GUCY1A2: variants seen among roughly 807,000 people sequenced by gnomAD.
GUCY1A2 encodes guanylate cyclase 1 soluble subunit alpha 2, also known as guanylate cyclase soluble subunit alpha-2.
Under a neutral mutation model 63.5 loss-of-function variants are expected in GUCY1A2, and 27 were observed. That is an observed-to-expected ratio of 0.43 (90% CI 0.31 to 0.59). The LOEUF is 0.59. Ranked by LOEUF, GUCY1A2 falls within the 20% of genes least tolerant of loss-of-function variation. GUCY1A2 has a pLI of 0.11. For synonymous variants in GUCY1A2, 364 were observed against 343.5 expected (o/e 1.06, Z -0.66); for missense variants, 768 against 913.3 (o/e 0.84, Z 2.05).
intron 3 of GUCY1A2, among the ~76,000 whole-genome samples, chr11:106,954,265 T>C (rs1012684045): frequency 1.3e-5 from 2 of 152,190 alleles, no homozygotes; most frequent in Non-Finnish European, 2.9e-5. Flanking sequence ...AATTTCATTA[T>C]TTACCCGGGA....
intron 5 of GUCY1A2, among the ~76,000 whole-genome samples, chr11:106,798,009 T>C (rs1020398149): frequency 5.9e-5 from 9 of 151,940 alleles, no homozygotes; most frequent in African/African-American, 2.2e-4. Context: ...ACAAAATTGA[T>C]AGACCACACA....
intron 4 of GUCY1A2, among the ~76,000 whole-genome samples, chr11:106,882,329 T>C (rs180895814): frequency 8.5e-5 from 13 of 152,092 alleles, no homozygotes; most frequent in Non-Finnish European, 1.6e-4. Context: ...TTATGCAAAA[T>C]GGAATTTTAC....
At chr11:106,712,962 G>A (rs1037711753) in intron 6 of GUCY1A2, among the ~76,000 whole-genome samples, 3 of 152,162 alleles carry the variant, frequency 2.0e-5, no homozygotes, top group Non-Finnish European at 4.4e-5. Flanking sequence ...CTTGGAAGAT[G>A]TCAGAGGGTC....
intron 1 of GUCY1A2, among the ~76,000 whole-genome samples, chr11:106,987,926 C>T (rs145649364): frequency 6.6e-6 from 1 of 152,300 alleles, no homozygotes; most frequent in East Asian, 1.9e-4. Context: ...ACCTACTGCA[C>T]ATTAGCCAAA....
At chr11:106,765,330 G>C (rs183292727) in intron 6 of GUCY1A2, among the ~76,000 whole-genome samples, 75 of 152,106 alleles carry the variant, frequency 4.9e-4, no homozygotes, top group Middle Eastern at 3.4e-3. Context: ...ATTCCTAAAA[G>C]CCTAACCCAA....
At chr11:106,988,928 G>T (rs1861436488) in intron 1 of GUCY1A2, among the ~76,000 whole-genome samples, 1 of 152,186 alleles carries the variant, frequency 6.6e-6, no homozygotes, top group Non-Finnish European at 1.5e-5. Flanking sequence ...TGAGTAAAAA[G>T]CATGAAGTGA....
chr11:106,929,624 G>T (rs923807961), intron 4 of GUCY1A2, among the ~76,000 whole-genome samples: 11 of 151,974 alleles, frequency 7.2e-5, no homozygotes, highest in Non-Finnish European at 1.2e-4. Flanking sequence ...TTTAAAGTTT[G>T]GGTTCCCTTT....
At chr11:106,988,270 G>A in intron 1 of GUCY1A2, among the ~76,000 whole-genome samples, 1 of 152,192 alleles carries the variant, frequency 6.6e-6, no homozygotes, top group South Asian at 2.1e-4. Context: ...AGTACCCCTT[G>A]GATCTGGGCC....
chr11:106,691,923 A>G (rs1862632114), intron 7 of GUCY1A2, among the ~76,000 whole-genome samples: 1 of 152,210 alleles, frequency 6.6e-6, no homozygotes, highest in South Asian at 2.1e-4. Context: ...GACTTCCAAT[A>G]GGACAATCTG....
At chr11:106,997,027 G>C (rs1027975505) in intron 1 of GUCY1A2, among the ~76,000 whole-genome samples, 2 of 152,120 alleles carry the variant, frequency 1.3e-5, no homozygotes, top group African/African-American at 4.8e-5. Context: ...CATGCAGGCA[G>C]AAGATTAATA....
At chr11:106,989,705 T>C (rs1396132518) in intron 1 of GUCY1A2, among the ~76,000 whole-genome samples, 3 of 152,142 alleles carry the variant, frequency 2.0e-5, no homozygotes, top group East Asian at 3.9e-4. Context: ...TTGACACCAA[T>C]TCCAGTGAAC....
intron 6 of GUCY1A2, among the ~76,000 whole-genome samples, chr11:106,717,351 G>A (rs1486487987): frequency 6.6e-6 from 1 of 152,158 alleles, no homozygotes; most frequent in Non-Finnish European, 1.5e-5. Context: ...AAAGATCTAA[G>A]TTCCTTTCCC....
At chr11:106,874,667 G>GA (rs1375034807) in intron 4 of GUCY1A2, among the ~76,000 whole-genome samples, 19 of 151,526 alleles carry the variant, frequency 1.3e-4, no homozygotes, top group African/African-American at 4.6e-4. Context: ...CAGCAAACCA[G>GA]AAAAAAGAAA....
chr11:106,891,415 CT>C (rs1405558848), intron 4 of GUCY1A2, among the ~76,000 whole-genome samples: 2 of 151,924 alleles, frequency 1.3e-5, no homozygotes, highest in Non-Finnish European at 2.9e-5. Flanking sequence ...CACTTTCTGC[CT>C]TTTGATGAAG....
chr11:106,976,209 A>G (rs1305370789), intron 3 of GUCY1A2, among the ~76,000 whole-genome samples: 1 of 152,152 alleles, frequency 6.6e-6, no homozygotes, highest in Non-Finnish European at 1.5e-5. Context: ...CCCAAAGGTG[A>G]TAAATATAAA....
chr11:106,867,767 T>C (rs190752343), intron 4 of GUCY1A2, among the ~76,000 whole-genome samples: 22 of 152,168 alleles, frequency 1.4e-4, no homozygotes, highest in South Asian at 2.1e-4. Flanking sequence ...TCGTTGATTT[T>C]ATATCAAAGA....
Position 106,677,433 on chromosome 11 carries a change from T to C in GUCY1A2, c.*10116A>G, listed in dbSNP as rs1446529821. 9.6e-6 allele frequency: 2 copies of C among 207,796 alleles called. No individual in the cohort carries two copies. The highest frequency in any genetic ancestry group is 4.5e-5 in the African/African-American group (2 of 43,974). The allele number at this position is 207,796 out of a possible 1,614,324, so 12.9% of individuals were successfully genotyped here. On this transcript the variant is annotated 3_prime_UTR_variant, in exon 8 of 8. Coordinates refer to ENST00000526355, the MANE Select transcript of GUCY1A2 (RefSeq NM_000855.3). ...CATTAGCACAAAAAATATACTAATG[T>C]TTAATTAGATAATGCAGCAAATATT...
intron 7 of GUCY1A2, among the ~76,000 whole-genome samples, chr11:106,695,632 C>G (rs1565260197): frequency 6.6e-6 from 1 of 152,092 alleles, no homozygotes; most frequent in Non-Finnish European, 1.5e-5. Flanking sequence ...CTTCACTGCT[C>G]CAAGATCTGA....
At chr11:106,863,149 A>T (rs529627519) in intron 4 of GUCY1A2, among the ~76,000 whole-genome samples, 135 of 151,546 alleles carry the variant, frequency 8.9e-4, no homozygotes, top group African/African-American at 2.9e-3. Flanking sequence ...TTTAATTAGA[A>T]CCCATTTGTC....
Sources: allele counts gnomAD v4.1 joint callset (sites outside exome capture counted in the v4.1 genomes callset), GRCh38; gene constraint gnomAD v4.1.1; transcripts MANE v1.5; gene names NCBI Gene and HGNC (gene_info 2026-07-23, HGNC 2026-07-21).